Variants in PRORP observed in about 807,000 individuals in gnomAD.
PRORP encodes the protein mitochondrial ribonuclease P catalytic subunit.
A neutral mutation model predicts 59.4 loss-of-function variants in PRORP; 51 were observed. The observed-to-expected ratio is 0.86, with a 90% CI of 0.69 to 1.08. PRORP has a LOEUF of 1.08. PRORP is among the 50% of genes least tolerant of loss of function. The pLI is 0.00. For missense variants in PRORP, 646 were observed against 690.3 expected (o/e 0.94, Z 0.72); for synonymous variants, 231 against 245.6 (o/e 0.94, Z 0.55).
At chr14:35,178,520 C>T (rs963745526) in intron 4 of PRORP, among the ~76,000 whole-genome samples, 1 of 152,152 alleles carries the variant, frequency 6.6e-6, no homozygotes, top group Non-Finnish European at 1.5e-5. Flanking sequence ...CTCTTTTGAT[C>T]TTTGTTGGTT....
At chr14:35,154,062 A>G (rs1201305187) in intron 4 of PRORP, among the ~76,000 whole-genome samples, 1 of 152,228 alleles carries the variant, frequency 6.6e-6, no homozygotes, top group East Asian at 1.9e-4. Context: ...CAGTTGGACC[A>G]GATGATCTCC....
At chr14:35,204,754 A>T (rs2049248491) in intron 5 of PRORP, among the ~76,000 whole-genome samples, 1 of 152,172 alleles carries the variant, frequency 6.6e-6, no homozygotes, top group African/African-American at 2.4e-5. Flanking sequence ...GATTTCTCAG[A>T]TTTTCTTGTA....
chr14:35,144,564 A>G (rs1383171273), intron 4 of PRORP: 2 of 145,984 alleles, frequency 1.4e-5, no homozygotes, highest in Non-Finnish European at 3.0e-5. Flanking sequence ...GCGTTTTGGT[A>G]GAAGCATATG....
At chr14:35,271,172 T>TG (rs1439535873) in intron 7 of PRORP, among the ~76,000 whole-genome samples, 19 of 147,846 alleles carry the variant, frequency 1.3e-4, no homozygotes, top group African/African-American at 3.5e-4. Flanking sequence ...TTTTTTTTTT[T>TG]TTTTGAGACG....
At chr14:35,214,207 G>T (rs1317479689) in intron 5 of PRORP, among the ~76,000 whole-genome samples, 1 of 152,130 alleles carries the variant, frequency 6.6e-6, no homozygotes, top group African/African-American at 2.4e-5. Context: ...TCAGATCTAG[G>T]AGCAGGAGAA....
chr14:35,193,733 GA>G (rs1439821307), intron 5 of PRORP, among the ~76,000 whole-genome samples: 1 of 151,104 alleles, frequency 6.6e-6, no homozygotes, highest in Admixed American at 6.6e-5. Flanking sequence ...AGGAAACTTA[GA>G]AATACCCTAT....
At chr14:35,267,553 G>T (rs1020073946) in intron 6 of PRORP, among the ~76,000 whole-genome samples, 1 of 152,198 alleles carries the variant, frequency 6.6e-6, no homozygotes, top group African/African-American at 2.4e-5. Context: ...GGAGGCCGAG[G>T]CGGGCAGATC....
chr14:35,123,657 AC>A lies in PRORP; in HGVS notation c.414del (p.Ser139ValfsTer17). ...AGATTTAAAAGAAAACACCGGAAAG[AC>A]CAGTTTCGAAAGTTGGATCATTTCA... ...KEDLKENTGKTSFESWIISQM... is the reference protein window; with the variant it reads ...KEDLKENTGKXSFESWIISQM... On this transcript the variant is annotated frameshift_variant, in exon 2 of 8. Transcript: ENST00000534898. LOFTEE classifies it high-confidence loss of function. The A allele has an allele frequency of 6.2e-7, 1 of 1,614,204 alleles. No homozygotes were observed. Among genetic ancestry groups the A allele is most frequent in the East Asian group, 2.2e-5 (1 of 44,892 alleles).
At chr14:35,147,703 A>G (rs112927450) in intron 4 of PRORP, among the ~76,000 whole-genome samples, 1 of 152,342 alleles carries the variant, frequency 6.6e-6, no homozygotes, top group South Asian at 2.1e-4. Flanking sequence ...TTATCACAAA[A>G]TATTTTTCTG....
intron 5 of PRORP, among the ~76,000 whole-genome samples, chr14:35,186,997 C>T (rs1245960683): frequency 6.6e-6 from 1 of 152,088 alleles, no homozygotes; most frequent in African/African-American, 2.4e-5. Context: ...ATTTCATTCC[C>T]TTTTATTGCC....
intron 5 of PRORP, among the ~76,000 whole-genome samples, chr14:35,182,190 C>T (rs1261100633): frequency 6.6e-6 from 1 of 151,928 alleles, no homozygotes; most frequent in African/African-American, 2.4e-5. Flanking sequence ...CACTTGAACC[C>T]GGAAGGCGGT....
Position 35,123,797 on chromosome 14 carries a change from C to T in PRORP, c.552C>T (p.Leu184=). ...ATTTACTGGTCAAGTATTTGTATCTCTGTGTCTTTCATATGCAGACATCTG... is the reference window on the plus strand; with the variant it reads ...ATTTACTGGTCAAGTATTTGTATCTTTGTGTCTTTCATATGCAGACATCTG... ...SYDLLVKYLY[L]CVFHMQTSEV... is the part of the protein sequence containing the mutation. Residue 184 remains leucine, a synonymous_variant, in exon 2 of 8, where the codon CTC becomes CTT. Transcript: ENST00000534898. 1 of 1,614,136 alleles carries T rather than the reference C, an allele frequency of 6.2e-7. No individual in the cohort carries two copies. The highest frequency in any genetic ancestry group is 8.5e-7 in the Non-Finnish European group (1 of 1,179,994).
At chr14:35,213,292 T>G (rs1449681731) in intron 5 of PRORP, among the ~76,000 whole-genome samples, 1 of 152,138 alleles carries the variant, frequency 6.6e-6, no homozygotes, top group Non-Finnish European at 1.5e-5. Flanking sequence ...TTTTCCTGGT[T>G]GGGCACGGTG....
chr14:35,143,985 A>T (rs969471803), intron 4 of PRORP: 1 of 145,748 alleles, frequency 6.9e-6, no homozygotes, highest in African/African-American at 2.4e-5. Context: ...GCAAAAAAAA[A>T]ACCCTTATAT....
chr14:35,202,595 G>C (rs755653976), intron 5 of PRORP, among the ~76,000 whole-genome samples: 2 of 152,040 alleles, frequency 1.3e-5, no homozygotes, highest in Admixed American at 1.3e-4. Context: ...TGTCTCATGC[G>C]ATCAAAAGGT....
At chr14:35,226,746 A>T (rs1481833651) in intron 5 of PRORP, among the ~76,000 whole-genome samples, 2 of 151,790 alleles carry the variant, frequency 1.3e-5, no homozygotes, top group Non-Finnish European at 2.9e-5. Flanking sequence ...TTATTTCATT[A>T]TTTTTTGAGA....
At chr14:35,137,594 A>G (rs1361458889) in intron 4 of PRORP, among the ~76,000 whole-genome samples, 2 of 145,378 alleles carry the variant, frequency 1.4e-5, no homozygotes, top group African/African-American at 4.9e-5. Flanking sequence ...CAGAAGGATT[A>G]TGGCAGAGGG....
intron 4 of PRORP, among the ~76,000 whole-genome samples, chr14:35,131,914 A>G (rs1209390287): frequency 6.6e-6 from 1 of 151,602 alleles, no homozygotes; most frequent in Non-Finnish European, 1.5e-5. Context: ...ATTTTGGCTC[A>G]CTGCAACCTC....
At chr14:35,218,787 A>C (rs1339412612) in intron 5 of PRORP, among the ~76,000 whole-genome samples, 1 of 151,804 alleles carries the variant, frequency 6.6e-6, no homozygotes, top group Non-Finnish European at 1.5e-5. Context: ...TCGCCTCCCA[A>C]AGTACTGGGA....
Sources: gnomAD v4.1 joint callset for allele counts (sites outside exome capture counted in the v4.1 genomes callset) on GRCh38, gnomAD v4.1.1 for gene constraint, MANE v1.5 for transcripts, NCBI Gene and HGNC (gene_info 2026-07-23, HGNC 2026-07-21) for gene names.